Variants in CLP1 observed in about 807,000 individuals in gnomAD.
CLP1 encodes polyribonucleotide 5'-hydroxyl-kinase Clp1.
In CLP1, 18 loss-of-function variants were observed where a neutral mutation model predicts 29.9. The ratio of observed to expected loss-of-function variants is 0.60; its 90% CI spans 0.42 to 0.89. CLP1 has a LOEUF of 0.89. Ranked by LOEUF, CLP1 falls within the 40% of genes least tolerant of loss-of-function variation. The pLI is 0.00. For missense variants in CLP1, 357 were observed against 544.8 expected (o/e 0.66, Z 3.43); for synonymous variants, 162 against 206.2 (o/e 0.79, Z 1.84).
rs764774421 is a variant in CLP1 at position 57,661,246 on chromosome 11, A to T, written c.1088A>T (p.His363Leu). 6.2e-7 allele frequency: 1 copy of T among 1,614,206 alleles called. No homozygotes were observed. Among genetic ancestry groups the T allele is most frequent in the East Asian group, 2.2e-5 (1 of 44,888 alleles). ...GTCACTCCTGGGCGAGATATGGTGC[A>T]CCACCTACTGAGTGTTAGCACTGCC... is the stretch of plus-strand genomic sequence containing the variant. ...VPVTPGRDMV[H>L]HLLSVSTAEG... Residue 363 changes from histidine to leucine, a missense_variant, in exon 3 of 3, where the codon CAC becomes CTC. Coordinates refer to ENST00000533682, the MANE Select transcript of CLP1 (RefSeq NM_006831.3).
At position 57,660,981 on chromosome 11, in the gene CLP1, C is replaced by T. The variant is rs539245351; in HGVS notation, c.823C>T (p.Arg275Cys). ...GAAACGGGACCTCCCCCACTTTGTA[C>T]GCACTGTGCTGCTCCCTAAATCTGG... is the stretch of plus-strand genomic sequence containing the variant. ...ELKRDLPHFV[R>C]TVLLPKSGGV... is the part of the protein sequence containing the mutation. Residue 275 changes from arginine to cysteine, a missense_variant, in exon 3 of 3, where the codon CGC becomes TGC. Physicochemically the swap from Arg to Cys is radical, Grantham distance 180 (BLOSUM62 -3). Coordinates refer to ENST00000533682, the MANE Select transcript of CLP1 (RefSeq NM_006831.3). 23 of 1,614,208 alleles carry T rather than the reference C, an allele frequency of 1.4e-5. No homozygotes were observed. Among genetic ancestry groups the T allele is most frequent in the South Asian group, 8.8e-5 (8 of 91,078 alleles).
In CLP1 at chr11:57,659,805, A is replaced by G. The variant is rs2135360870; in HGVS notation, c.329A>G (p.Glu110Gly). 1 of 1,614,134 alleles carries G rather than the reference A, an allele frequency of 6.2e-7. No individual in the cohort carries two copies. The highest frequency in any genetic ancestry group is 2.2e-5 in the East Asian group (1 of 44,876). Residue 110 changes from glutamate (E) to glycine (G), a missense_variant, in exon 2 of 3, where the codon GAA (glutamate) becomes GGA (glycine). By Grantham distance (98) the Glu-to-Gly change is moderately conservative. Coordinates refer to ENST00000533682, the MANE Select transcript of CLP1 (RefSeq NM_006831.3). ...CAGATGCGGAGGCAAGCGGAAAAGG[A>G]AGAAGAGCGAGGTCCCCGAGTGATG... Reference protein sequence around the residue: ...LEQMRRQAEKEEERGPRVMVV... With the variant: ...LEQMRRQAEKGEERGPRVMVV...
Position 57,661,212 on chromosome 11 carries a change from C to T in CLP1, c.1054C>T (p.Leu352=), listed in dbSNP as rs776580990. The T allele has an allele frequency of 1.9e-6, 3 of 1,614,076 alleles. No homozygotes were observed. The East Asian group carries it at 6.7e-5, about 36-fold the overall frequency. ...GTCTCAAGAGGATAATCAGCTCAAG[C>T]TAGTACCTGTCACTCCTGGGCGAGA... The part of the protein sequence containing the change: ...GMSQEDNQLK[L]VPVTPGRDMV... The change falls in exon 3 of 3, where the codon CTA becomes TTA. Residue 352 remains leucine, a synonymous_variant. Coordinates refer to ENST00000533682, the MANE Select transcript of CLP1 (RefSeq NM_006831.3).
rs1590848401 is a variant in CLP1, at chr11:57,661,838, T to C, written c.*402T>C. ...TAAAGTTCAAACTTAAAAAAAATCA[T>C]TTTAATAAATATTTTTGCCATATCA... On this transcript the variant is annotated 3_prime_UTR_variant, in exon 3 of 3. Transcript: ENST00000533682. 9.9e-6 allele frequency: 2 copies of C among 202,100 alleles called. No homozygotes were observed. Among genetic ancestry groups the C allele is most frequent in the East Asian group, 1.6e-4 (2 of 12,396 alleles). The allele number at this position is 202,100 out of a possible 1,614,324, so 12.5% of individuals were successfully genotyped here. A position where few individuals can be genotyped will look rare whatever the true frequency, so the allele number is the denominator to read the frequency against.
intron 2 of CLP1, 149 bp downstream of exon 2, chr11:57,660,231 T>C (rs1945861838): frequency 9.3e-6 from 8 of 856,548 alleles, no homozygotes; most frequent in African/African-American, 1.7e-5. Flanking sequence ...AGTCTCAGAT[T>C]GTTAAACATT....
In CLP1 at chr11:57,659,971, C is replaced by T. The variant is rs1403552610; in HGVS notation, c.495C>T (p.Ala165=). 1.9e-6 allele frequency: 3 copies of T among 1,613,888 alleles called. No homozygotes were observed. Among genetic ancestry groups the T allele is most frequent in the East Asian group, 2.2e-5 (1 of 44,878 alleles). ...GSVSIPGTMG[A]LYIERPADVE... Reference sequence around the variant, plus strand: ...TGTCCATCCCTGGTACCATGGGGGCCCTCTACATCGAGCGGCCTGCAGATG... The same window carrying T: ...TGTCCATCCCTGGTACCATGGGGGCTCTCTACATCGAGCGGCCTGCAGATG... Residue 165 remains alanine (A), a synonymous_variant, in exon 2 of 3, where the codon GCC becomes GCT. Transcript: ENST00000533682.
In CLP1 at chr11:57,661,380, C is replaced by G. The variant is rs773076345; in HGVS notation, c.1222C>G (p.Pro408Ala). The G allele has an allele frequency of 1.9e-6, 3 of 1,614,022 alleles. No homozygotes were observed. Among genetic ancestry groups the G allele is most frequent in the South Asian group, 1.1e-5 (1 of 91,066 alleles). Residue 408 changes from proline (P) to alanine (A), a missense_variant, in exon 3 of 3, where the codon CCA becomes GCA. Coordinates refer to ENST00000533682, the MANE Select transcript of CLP1 (RefSeq NM_006831.3). Reference protein sequence around the residue: ...VFTVLSPAPRPLPKNFLLIMD... With the variant: ...VFTVLSPAPRALPKNFLLIMD... ...TACTGTTCTGTCTCCAGCCCCTCGC[C>G]CACTGCCTAAGAACTTCCTTCTCAT...
chr11:57,659,496 A>G lies in CLP1; in HGVS notation c.20A>G (p.Asp7Gly). 6.2e-7 allele frequency: 1 copy of G among 1,614,158 alleles called. No homozygotes were observed. The change falls in exon 2 of 3, where the codon GAT (aspartate) becomes GGT (glycine). Residue 7 changes from aspartate to glycine, a missense_variant. Asp to Gly is a moderately conservative substitution (Grantham distance 94). Transcript: ENST00000533682. MGEEANDDKKPTTKFEL... is the reference protein window; with the variant it reads MGEEANGDKKPTTKFEL... ...GAAGAGATGGGAGAAGAGGCTAATG[A>G]TGACAAGAAGCCAACCACTAAATTT...
chr11:57,659,578 G>T lies in CLP1; in HGVS notation c.102G>T (p.Gln34His), dbSNP rs143977407. The change falls in exon 2 of 3, where the codon CAG becomes CAT. Residue 34 changes from glutamine to histidine, a missense_variant. By Grantham distance (24) the Gln-to-His change is conservative. Coordinates refer to ENST00000533682, the MANE Select transcript of CLP1 (RefSeq NM_006831.3). ...AGGTGGAGGCATCTCAGTCAGTTCA[G>T]TTGGAGTTGTTGACTGGCATGGCAG... The part of the protein sequence containing the change: ...RFEVEASQSV[Q>H]LELLTGMAEI... The T allele has an allele frequency of 2.5e-6, 4 of 1,614,046 alleles. No homozygotes were observed. The highest frequency in any genetic ancestry group is 4.5e-5 in the East Asian group (2 of 44,896).
Position 57,660,826 on chromosome 11 carries a change from T to C in CLP1, c.668T>C (p.Val223Ala). ...TGTGAGGTGAACCGAAGGGCATCTG[T>C]GAGTGGCTGTGTCATTAACACCTGT... ...QRCEVNRRAS[V>A]SGCVINTCGW... is the part of the protein sequence containing the mutation. Residue 223 changes from valine to alanine, a missense_variant, in exon 3 of 3, where the codon GTG becomes GCG. Transcript: ENST00000533682. The C allele has an allele frequency of 6.2e-7, 1 of 1,613,444 alleles. No homozygotes were observed. Among genetic ancestry groups the C allele is most frequent in the Non-Finnish European group, 8.5e-7 (1 of 1,179,432 alleles).
Position 57,657,824 on chromosome 11 carries a change from C to T in CLP1, c.-59C>T, listed in dbSNP as rs1168771670. The T allele has an allele frequency of 6.6e-6, 1 of 152,354 alleles. No individual in the cohort carries two copies. Among genetic ancestry groups the T allele is most frequent in the Non-Finnish European group, 1.5e-5 (1 of 68,136 alleles). The allele number at this position is 152,354 out of a possible 1,614,324, so 9.4% of individuals were successfully genotyped here. A position where few individuals can be genotyped will look rare whatever the true frequency, so the allele number is the denominator to read the frequency against. On this transcript the variant is annotated 5_prime_UTR_variant, in exon 1 of 3. Coordinates refer to ENST00000533682, the MANE Select transcript of CLP1 (RefSeq NM_006831.3). ...TTGGTTTAAATTCTGCACGGGAGGA[C>T]CTTCTGAGTTTACCTGTTGGGCTCC...
rs1945873935 is a variant in CLP1 at position 57,661,208 on chromosome 11, C to G, written c.1050C>G (p.Leu350=). The change falls in exon 3 of 3, where the codon CTC becomes CTG. Residue 350 remains leucine (L), a synonymous_variant. Coordinates refer to ENST00000533682, the MANE Select transcript of CLP1 (RefSeq NM_006831.3). The part of the protein sequence containing the change: ...PLGMSQEDNQ[L]KLVPVTPGRD... ...GCATGTCTCAAGAGGATAATCAGCT[C>G]AAGCTAGTACCTGTCACTCCTGGGC... The G allele has an allele frequency of 1.9e-6, 3 of 1,614,074 alleles. No individual in the cohort carries two copies. Among genetic ancestry groups the G allele is most frequent in the Admixed American group, 3.3e-5 (2 of 59,992 alleles).
Position 57,659,790 on chromosome 11 carries a change from G to A in CLP1, c.314G>A (p.Arg105Lys), listed in dbSNP as rs771872666. 2 of 1,614,158 alleles carry A rather than the reference G, an allele frequency of 1.2e-6. No individual in the cohort carries two copies. Among genetic ancestry groups the A allele is most frequent in the Non-Finnish European group, 1.7e-6 (2 of 1,180,036 alleles). The change falls in exon 2 of 3, where the codon AGG (arginine) becomes AAG (lysine). Residue 105 changes from arginine to lysine, a missense_variant. Coordinates refer to ENST00000533682, the MANE Select transcript of CLP1 (RefSeq NM_006831.3). The part of the protein sequence containing the change: ...NTHTALEQMR[R>K]QAEKEEERGP... ...CACACAGCCTTGGAACAGATGCGGA[G>A]GCAAGCGGAAAAGGAAGAAGAGCGA...
Position 57,661,791 on chromosome 11 carries a change from GAATT to G in CLP1, c.*357_*360del, listed in dbSNP as rs1191766910. 1 of 241,920 alleles carries G rather than the reference GAATT, an allele frequency of 4.1e-6. No individual in the cohort carries two copies. The highest frequency in any genetic ancestry group is 6.5e-5 in the East Asian group (1 of 15,324). 15.0% of individuals were successfully genotyped at this position (241,920 alleles called of 1,614,324 possible). A position where few individuals can be genotyped will look rare whatever the true frequency, so the allele number is the denominator to read the frequency against. Reference sequence around the variant, plus strand: ...ACCCATTTATCTAGGATGAAAGTGTGAATTAGAGGGACTCCTTCCAATAAAGTTC... The same window carrying G: ...ACCCATTTATCTAGGATGAAAGTGTGAGAGGGACTCCTTCCAATAAAGTTC... On this transcript the variant is annotated 3_prime_UTR_variant, in exon 3 of 3. Transcript: ENST00000533682.
rs918457658 is a variant in CLP1, at chr11:57,658,643, T to A, written c.-23+783T>A. On this transcript the variant is annotated intron_variant, in intron 1 of 2. Transcript: ENST00000533682. ...TTATTTGTTTATTTTATTTTATTTT[T>A]TTTTGAGACAGAGCCTTGGTCTGTC... 9.9e-5 allele frequency among the ~76,000 whole-genome samples: 15 copies of A among 152,216 alleles called. No homozygotes were observed. In the East Asian group the frequency reaches 1.2e-3, roughly 12 times the overall value.
At chr11:57,659,250 AT>A (rs1007019922) in intron 1 of CLP1, among the ~76,000 whole-genome samples, 17 of 146,120 alleles carry the variant, frequency 1.2e-4, no homozygotes, top group East Asian at 4.1e-4. Flanking sequence ...TGCCCGGCTA[AT>A]TTTTTTTTTG....
chr11:57,660,234 T>TA, intron 2 of CLP1, 152 bp downstream of exon 2: 1 of 851,980 alleles, frequency 1.2e-6, no homozygotes, highest in Non-Finnish European at 1.7e-6. Context: ...CTCAGATTGT[T>TA]AAACATTTCT....
chr11:57,661,331 T>C lies in CLP1; in HGVS notation c.1173T>C (p.Ser391=). The part of the protein sequence containing the change: ...TSVAGFIVVT[S]VDLEHQVFTV... Reference sequence around the variant, plus strand: ...TAGCTGGCTTCATTGTGGTGACCAGTGTGGACCTGGAGCATCAGGTGTTTA... The same window carrying C: ...TAGCTGGCTTCATTGTGGTGACCAGCGTGGACCTGGAGCATCAGGTGTTTA... Residue 391 remains serine (S), a synonymous_variant, in exon 3 of 3, where the codon AGT becomes AGC. Coordinates refer to ENST00000533682, the MANE Select transcript of CLP1 (RefSeq NM_006831.3). 1 of 1,614,186 alleles carries C rather than the reference T, an allele frequency of 6.2e-7. No individual in the cohort carries two copies. Among genetic ancestry groups the C allele is most frequent in the South Asian group, 1.1e-5 (1 of 91,074 alleles).
At position 57,657,811 on chromosome 11, in the gene CLP1, C is replaced by A. The variant is rs1945836037; in HGVS notation, c.-72C>A. On this transcript the variant is annotated 5_prime_UTR_variant, in exon 1 of 3. It adds an upstream start codon to the 5' untranslated region. Transcript: ENST00000533682. ...AACCGCTTGTAGTTTGGTTTAAATT[C>A]TGCACGGGAGGACCTTCTGAGTTTA... The A allele has an allele frequency of 6.6e-6, 1 of 152,502 alleles. No homozygotes were observed. The highest frequency in any genetic ancestry group is 2.4e-5 in the African/African-American group (1 of 41,454). The allele number at this position is 152,502 out of a possible 1,614,324, so 9.4% of individuals were successfully genotyped here.
Sources: allele counts gnomAD v4.1 joint callset (sites outside exome capture counted in the v4.1 genomes callset), GRCh38; gene constraint gnomAD v4.1.1; transcripts MANE v1.5; gene names NCBI Gene and HGNC (gene_info 2026-07-23, HGNC 2026-07-21).